NEK1: variants seen among roughly 807,000 people sequenced by gnomAD.
NEK1 encodes the protein NIMA related kinase 1.
NEK1 carries 137 observed loss-of-function variants against 182.1 expected under a neutral mutation model. The observed-to-expected ratio is 0.75, with a 90% CI of 0.65 to 0.87. The LOEUF (loss-of-function observed/expected upper bound fraction) is 0.87, where lower values mean the gene tolerates loss of function less well. NEK1 is among the 40% of genes least tolerant of loss of function. NEK1 has a pLI of 0.00. For synonymous variants in NEK1, 513 were observed against 492.2 expected (o/e 1.04, Z -0.56); for missense variants, 1,391 against 1,494.4 (o/e 0.93, Z 1.14).
intron 19 of NEK1, among the ~76,000 whole-genome samples, chr4:169,533,224 C>G (rs1003675201): frequency 2.0e-5 from 3 of 152,118 alleles, no homozygotes; most frequent in Non-Finnish European, 4.4e-5. Flanking sequence ...ATCACCTGAG[C>G]CTTTTAAAAT....
chr4:169,480,236 T>C (rs1439244604), intron 23 of NEK1, among the ~76,000 whole-genome samples: 3 of 152,158 alleles, frequency 2.0e-5, no homozygotes, highest in African/African-American at 7.2e-5. Context: ...ACAATATTTA[T>C]TGAGTATCTT....
intron 26 of NEK1, among the ~76,000 whole-genome samples, chr4:169,468,992 A>T (rs1277844239): frequency 6.6e-6 from 1 of 151,690 alleles, no homozygotes; most frequent in Non-Finnish European, 1.5e-5. Flanking sequence ...TATTGTGTCT[A>T]TTTGATTCTT....
intron 23 of NEK1, among the ~76,000 whole-genome samples, chr4:169,486,242 TTTTA>T (rs1258900457): frequency 1.3e-5 from 2 of 152,188 alleles, no homozygotes; most frequent in African/African-American, 2.4e-5. Context: ...TCAACATTGC[TTTTA>T]TTGTCACAAA....
chr4:169,561,852 C>A lies in NEK1; in HGVS notation c.1120G>T (p.Glu374Ter), dbSNP rs746278941. 2 of 1,609,998 alleles carry A rather than the reference C, an allele frequency of 1.2e-6. No homozygotes were observed. The highest frequency in any genetic ancestry group is 2.2e-5 in the South Asian group (2 of 89,680). Residue 374 changes from glutamate to a stop codon, truncating the protein, a stop_gained, in exon 14 of 36, where the codon GAA (glutamate) becomes TAA (stop). Transcript: ENST00000507142. LOFTEE classifies it high-confidence loss of function. ...ACTACCTGATCCTTTTGTTTCTTTT[C>A]TTTTTCAATAAATTCCAGCCTTCTC... ...RKRRLEFIEK[E>*]KKQKDQIISL... is the part of the protein sequence containing the mutation.
intron 19 of NEK1, among the ~76,000 whole-genome samples, chr4:169,522,551 C>T (rs565976415): frequency 8.5e-5 from 13 of 152,314 alleles, no homozygotes; most frequent in South Asian, 4.1e-4. Context: ...AATTGCAGTT[C>T]GGTTTTCTGA....
intron 27 of NEK1, among the ~76,000 whole-genome samples, chr4:169,454,003 C>G (rs748813681): frequency 3.3e-5 from 5 of 152,138 alleles, no homozygotes; most frequent in African/African-American, 1.2e-4. Flanking sequence ...TAGAACAGAA[C>G]AGAGGCTTCA....
intron 12 of NEK1, among the ~76,000 whole-genome samples, chr4:169,573,214 C>T (rs1765149007): frequency 1.3e-5 from 2 of 152,158 alleles, no homozygotes; most frequent in African/African-American, 2.4e-5. Flanking sequence ...TATTTGCCAA[C>T]AGGTAAGACT....
chr4:169,604,586 T>A (rs552836031), intron 2 of NEK1, among the ~76,000 whole-genome samples: 4 of 152,240 alleles, frequency 2.6e-5, no homozygotes, highest in African/African-American at 9.6e-5. Flanking sequence ...CAGTTTACCA[T>A]ATTTCTCATT....
At chr4:169,557,775 C>T (rs530118691) in intron 16 of NEK1, among the ~76,000 whole-genome samples, 2 of 151,686 alleles carry the variant, frequency 1.3e-5, no homozygotes, top group Non-Finnish European at 2.9e-5. Context: ...CCTGCAAATA[C>T]AAAAAATTAG....
chr4:169,484,714 G>A (rs1218357726), intron 23 of NEK1, among the ~76,000 whole-genome samples: 5 of 152,116 alleles, frequency 3.3e-5, no homozygotes, highest in Non-Finnish European at 7.3e-5. Flanking sequence ...TGTTCGGGAA[G>A]GCCATAAAAC....
chr4:169,578,275 T>C (rs923271459), intron 11 of NEK1, among the ~76,000 whole-genome samples: 1 of 152,116 alleles, frequency 6.6e-6, no homozygotes, highest in Non-Finnish European at 1.5e-5. Context: ...AAACCCTTAT[T>C]GAAACCCTCT....
At chr4:169,445,885 C>CAT (rs1435254867) in intron 27 of NEK1, among the ~76,000 whole-genome samples, 1 of 147,214 alleles carries the variant, frequency 6.8e-6, no homozygotes, top group Non-Finnish European at 1.5e-5. Context: ...CACACACACA[C>CAT]ATGCACAAAA....
At chr4:169,402,905 T>C (rs1731931524) in intron 32 of NEK1, among the ~76,000 whole-genome samples, 1 of 152,148 alleles carries the variant, frequency 6.6e-6, no homozygotes, top group African/African-American at 2.4e-5. Context: ...AGTTAACTGA[T>C]GTTTTAGATG....
rs998750634 is a variant in NEK1, at chr4:169,479,625, C to G, written c.2008-91G>C. ...CCTACCAGATCACTATTTATCCACTCTATCCACAAGTAGTTTTTTTCATTC... is the reference window on the plus strand; with the variant it reads ...CCTACCAGATCACTATTTATCCACTGTATCCACAAGTAGTTTTTTTCATTC... On this transcript the variant is annotated intron_variant, in intron 23 of 35. Transcript: ENST00000507142. 6 of 1,051,546 alleles carry G rather than the reference C, an allele frequency of 5.7e-6. No homozygotes were observed. In the Admixed American group the frequency reaches 8.0e-5, roughly 14 times the overall value. 65.1% of individuals were successfully genotyped at this position (1,051,546 alleles called of 1,614,324 possible). A position where few individuals can be genotyped will look rare whatever the true frequency, so the allele number is the denominator to read the frequency against.
At chr4:169,495,494 G>A (rs7435147) in intron 23 of NEK1, among the ~76,000 whole-genome samples, 18,847 of 151,878 alleles carry the variant, frequency 0.12, 1,309 homozygotes, top group African/African-American at 0.17. Flanking sequence ...CGCCCGTCTC[G>A]GCCTCCCAAA....
intron 23 of NEK1, among the ~76,000 whole-genome samples, chr4:169,497,421 C>T (rs1233582916): frequency 5.3e-5 from 8 of 152,058 alleles, no homozygotes; most frequent in Non-Finnish European, 1.2e-4. Context: ...CTGCTCTGAT[C>T]TTAGTTATTT....
chr4:169,421,703 G>C (rs1452247255), intron 31 of NEK1, among the ~76,000 whole-genome samples: 1 of 152,100 alleles, frequency 6.6e-6, no homozygotes, highest in Non-Finnish European at 1.5e-5. Context: ...AGCCTCCCCA[G>C]CCATGCGGAA....
intron 19 of NEK1, among the ~76,000 whole-genome samples, chr4:169,515,138 C>T (rs1754936042): frequency 6.6e-6 from 1 of 152,088 alleles, no homozygotes; most frequent in South Asian, 2.1e-4. Flanking sequence ...ATTTTCCTGT[C>T]ACCTTCCTGC....
At chr4:169,607,409 A>C (rs768447249) in intron 2 of NEK1, among the ~76,000 whole-genome samples, 3 of 152,230 alleles carry the variant, frequency 2.0e-5, no homozygotes, top group Non-Finnish European at 2.9e-5. Flanking sequence ...AAGATGGATA[A>C]AACAGATTTT....
Sources: allele counts gnomAD v4.1 joint callset (sites outside exome capture counted in the v4.1 genomes callset), GRCh38; gene constraint gnomAD v4.1.1; transcripts MANE v1.5; gene names NCBI Gene and HGNC (gene_info 2026-07-23, HGNC 2026-07-21).